The following RIMS2 variants were observed in gnomAD, a reference collection of about 807,000 sequenced individuals.
RIMS2 encodes the protein regulating synaptic membrane exocytosis protein 2.
In RIMS2, 59 loss-of-function variants were observed where a neutral mutation model predicts 174.4. The observed-to-expected ratio is 0.34, with a 90% CI of 0.27 to 0.42. RIMS2 has a LOEUF of 0.42. RIMS2 is among the 10% of genes least tolerant of loss of function. RIMS2 has a pLI of 1.00. For missense variants in RIMS2, 1,620 were observed against 1,666.3 expected, an observed-to-expected ratio of 0.97 and a Z score of 0.48; for synonymous variants, 606 against 572.5, an observed-to-expected ratio of 1.06 and a Z score of -0.84.
intron 19 of RIMS2, among the ~76,000 whole-genome samples, chr8:104,138,349 C>A (rs969681241): frequency 2.0e-5 from 3 of 152,126 alleles, no homozygotes; most frequent in Non-Finnish European, 2.9e-5. Context: ...GAGGAACCTC[C>A]AAACTTGTCT....
chr8:103,952,470 G>C (rs950476248), intron 14 of RIMS2, among the ~76,000 whole-genome samples: 2 of 152,136 alleles, frequency 1.3e-5, no homozygotes, highest in African/African-American at 4.8e-5. Context: ...AGGCAAACAG[G>C]GTATGCAGCA....
At chr8:103,868,689 T>C (rs1208824870) in intron 3 of RIMS2, among the ~76,000 whole-genome samples, 3 of 152,102 alleles carry the variant, frequency 2.0e-5, no homozygotes, top group African/African-American at 7.2e-5. Context: ...TGAATTTTAG[T>C]TTTTTCTTTG....
intron 19 of RIMS2, among the ~76,000 whole-genome samples, chr8:104,195,768 C>T (rs1355511613): frequency 2.0e-5 from 3 of 152,158 alleles, no homozygotes; most frequent in African/African-American, 4.8e-5. Flanking sequence ...CCACCTCAAC[C>T]TCCCAAAGTA....
chr8:104,057,545 T>C (rs1181317615), intron 19 of RIMS2, among the ~76,000 whole-genome samples: 1 of 152,018 alleles, frequency 6.6e-6, no homozygotes, highest in East Asian at 1.9e-4. Flanking sequence ...AGTTTAGATA[T>C]CAGTTTCTTC....
intron 1 of RIMS2, among the ~76,000 whole-genome samples, chr8:103,641,846 A>C (rs1166123661): frequency 6.6e-6 from 1 of 152,108 alleles, no homozygotes; most frequent in Non-Finnish European, 1.5e-5. Context: ...TGAGGCCCTC[A>C]TCTGATGCAG....
chr8:103,958,425 G>A (rs967869829), intron 14 of RIMS2, among the ~76,000 whole-genome samples: 5 of 152,144 alleles, frequency 3.3e-5, no homozygotes, highest in Middle Eastern at 3.2e-3. Context: ...TGGGAGGATA[G>A]AAAGGAGCAG....
intron 1 of RIMS2, among the ~76,000 whole-genome samples, chr8:103,574,136 T>G (rs916058709): frequency 6.6e-6 from 1 of 152,292 alleles, no homozygotes; most frequent in South Asian, 2.1e-4. Flanking sequence ...TTCATTCTTT[T>G]GCAAGTTGAA....
intron 5 of RIMS2, chr8:103,910,474 G>T: frequency 6.3e-7 from 1 of 1,596,902 alleles, no homozygotes; most frequent in South Asian, 1.1e-5. Flanking sequence ...AAGGACTCTG[G>T]GGTAGATACG....
chr8:104,060,935 C>T (rs1273941737), intron 19 of RIMS2, among the ~76,000 whole-genome samples: 1 of 151,996 alleles, frequency 6.6e-6, no homozygotes, highest in Non-Finnish European at 1.5e-5. Context: ...GTCTGAGAGA[C>T]AGTTTGTTAT....
At chr8:104,169,073 A>G (rs1257606156) in intron 19 of RIMS2, among the ~76,000 whole-genome samples, 1 of 151,614 alleles carries the variant, frequency 6.6e-6, no homozygotes, top group Admixed American at 6.6e-5. Flanking sequence ...TGATTTTTGC[A>G]TTTATTAAAT....
chr8:104,070,650 G>A (rs1200912943), intron 19 of RIMS2, among the ~76,000 whole-genome samples: 4 of 151,962 alleles, frequency 2.6e-5, no homozygotes, highest in Admixed American at 1.3e-4. Flanking sequence ...AGAGGCCAAA[G>A]CATAAAGTCC....
intron 1 of RIMS2, among the ~76,000 whole-genome samples, chr8:103,685,153 A>G (rs6993208): frequency 0.18 from 26,397 of 147,736 alleles, 2,514 homozygotes; most frequent in African/African-American, 0.24. Context: ...TCTGTTTTGC[A>G]TTGCTATGAA....
intron 20 of RIMS2, 128 bp downstream of exon 26, chr8:104,245,185 G>C (rs1295577916): frequency 1.1e-6 from 1 of 911,250 alleles, no homozygotes; most frequent in African/African-American, 1.7e-5. Context: ...CTGATTTCCT[G>C]TGAAGAGAAC....
At chr8:103,536,007 A>G (rs1296555781) in intron 1 of RIMS2, among the ~76,000 whole-genome samples, 1 of 152,332 alleles carries the variant, frequency 6.6e-6, no homozygotes, top group African/African-American at 2.4e-5. Context: ...TATTCTTATG[A>G]TATAGTTGAC....
chr8:103,536,551 C>T (rs543734176), intron 1 of RIMS2, among the ~76,000 whole-genome samples: 2 of 152,210 alleles, frequency 1.3e-5, no homozygotes, highest in African/African-American at 2.4e-5. Context: ...ATGATGCTGA[C>T]GTCTGCTCGG....
intron 19 of RIMS2, among the ~76,000 whole-genome samples, chr8:104,169,007 G>A (rs368243041): frequency 3.3e-5 from 5 of 151,810 alleles, no homozygotes; most frequent in South Asian, 2.1e-4. Flanking sequence ...CCACTCGATC[G>A]TAGTGTATTA....
intron 19 of RIMS2, among the ~76,000 whole-genome samples, chr8:104,060,771 C>G (rs938593969): frequency 2.6e-5 from 4 of 152,084 alleles, no homozygotes; most frequent in African/African-American, 7.2e-5. Context: ...TATGTTGTGT[C>G]TTTGTTCTCG....
At chr8:104,248,584 TAA>T (rs2099347515) in intron 20 of RIMS2, 115 bp from the exon 27 acceptor site, 1 of 660,174 alleles carries the variant, frequency 1.5e-6, no homozygotes, top group African/African-American at 1.8e-5. Flanking sequence ...CCAGTAAATA[TAA>T]GTGACAAAAT....
At chr8:103,565,013 A>G (rs998586022) in intron 1 of RIMS2, among the ~76,000 whole-genome samples, 10 of 152,208 alleles carry the variant, frequency 6.6e-5, no homozygotes, top group Non-Finnish European at 1.5e-4. Flanking sequence ...CATGTAGAGA[A>G]GCCTCATACT....
Sources: gnomAD v4.1 joint callset for allele counts (sites outside exome capture counted in the v4.1 genomes callset) on GRCh38, gnomAD v4.1.1 for gene constraint, MANE v1.5 for transcripts, NCBI Gene and HGNC (gene_info 2026-07-23, HGNC 2026-07-21) for gene names.